Variants in SEC16B observed in about 807,000 individuals in gnomAD.
SEC16B encodes SEC16 homolog B, endoplasmic reticulum export factor.
Under a neutral mutation model 141.8 loss-of-function variants are expected in SEC16B, and 115 were observed. The observed-to-expected ratio is 0.81, with a 90% confidence interval of 0.70 to 0.95. SEC16B has a LOEUF of 0.95. SEC16B is among the 40% of genes least tolerant of loss of function. SEC16B has a pLI of 0.00. For missense variants in SEC16B, 1,291 were observed against 1,312.3 expected (o/e 0.98, Z 0.25); for synonymous variants, 493 against 492.5 (o/e 1.00, Z -0.01).
At chr1:177,949,546 A>G (rs1030029854) in intron 12 of SEC16B, among the ~76,000 whole-genome samples, 3 of 144,786 alleles carry the variant, frequency 2.1e-5, no homozygotes, top group African/African-American at 7.5e-5. Flanking sequence ...GAGAGAGAGA[A>G]AGCACCAACA....
In SEC16B at chr1:177,978,359, C is replaced by T. The variant is rs77567999; in HGVS notation, c.-59+5847G>A. 2.3e-3 allele frequency among the ~76,000 whole-genome samples: 351 copies of T among 152,254 alleles called. 2 individuals carry two copies. The highest frequency in any genetic ancestry group is 4.1e-3 in the Non-Finnish European group (282 of 68,018). On this transcript the variant is annotated intron_variant and NMD_transcript_variant, in intron 1 of 24. Transcript: ENST00000528461. ...GGAAAAGCACTCAGCACACTCCCTG[C>T]ACCTTGGTAAGTGTCCAACAAATGG... is the stretch of plus-strand genomic sequence containing the variant.
chr1:177,949,980 T>A (rs553517102), intron 12 of SEC16B, among the ~76,000 whole-genome samples: 2 of 152,058 alleles, frequency 1.3e-5, no homozygotes, highest in African/African-American at 4.8e-5. Flanking sequence ...GCTAATTGTA[T>A]CATTTCCTGC....
chr1:177,941,597 T>C (rs568161641), intron 16 of SEC16B, among the ~76,000 whole-genome samples: 1 of 152,356 alleles, frequency 6.6e-6, no homozygotes, highest in East Asian at 1.9e-4. Context: ...TTAGAATGGT[T>C]CACCGTAGCA....
At chr1:177,973,647 C>T (rs1248816143), upstream of SEC16B, among the ~76,000 whole-genome samples, 5 of 152,084 alleles carry the variant, frequency 3.3e-5, no homozygotes. Context: ...GTCGTTTGTA[C>T]ACTGAACAAG....
intron 6 of SEC16B, 129 bp from the exon 7 acceptor site, chr1:177,961,068 T>C: frequency 9.8e-7 from 1 of 1,025,636 alleles, no homozygotes; most frequent in Non-Finnish European, 1.4e-6. Flanking sequence ...CTGGGTGGGT[T>C]GTGTAATTAG....
At position 177,940,622 on chromosome 1, in the gene SEC16B, C is replaced by T; in HGVS notation, c.2115G>A (p.Arg705=). Residue 705 remains arginine (R), a synonymous_variant, in exon 17 of 26, where the codon CGG becomes CGA. Coordinates refer to ENST00000308284, the MANE Select transcript of SEC16B (RefSeq NM_033127.4). ...CAATCCCACTCACCTCCAGCTGCCT[C>T]CGAAGTTGCGCTAGCCAATCTGGCT... ...DLEPDWLAQL[R]RQLEQKVAGD... 6.2e-7 allele frequency: 1 copy of T among 1,613,598 alleles called. No individual in the cohort carries two copies. Among genetic ancestry groups the T allele is most frequent in the Non-Finnish European group, 8.5e-7 (1 of 1,179,666 alleles).
rs1650238831 is a variant in SEC16B, at chr1:177,929,202, T to C, written c.*656A>G. 1 of 153,716 alleles carries C rather than the reference T, an allele frequency of 6.5e-6. No homozygotes were observed. Among genetic ancestry groups the C allele is most frequent in the African/African-American group, 2.4e-5 (1 of 41,422 alleles). The allele number at this position is 153,716 out of a possible 1,614,324, so 9.5% of individuals were successfully genotyped here. ...TGACAATATGATGCCTACAGCAATC[T>C]AACTTGATAGCCACATGCCAGAATG... On this transcript the variant is annotated 3_prime_UTR_variant, in exon 26 of 26. Coordinates refer to ENST00000308284, the MANE Select transcript of SEC16B (RefSeq NM_033127.4).
At position 177,929,764 on chromosome 1, in the gene SEC16B, G is replaced by T; in HGVS notation, c.*94C>A. ...ATCGGGCTAGCACAAACCTCTTGAG[G>T]GTCCCAATATGGTAGAGAGGGGCTG... On this transcript the variant is annotated 3_prime_UTR_variant, in exon 26 of 26. Coordinates refer to ENST00000308284, the MANE Select transcript of SEC16B (RefSeq NM_033127.4). The T allele has an allele frequency of 7.2e-7, 1 of 1,394,916 alleles. No individual in the cohort carries two copies. Among genetic ancestry groups the T allele is most frequent in the Non-Finnish European group, 1.0e-6 (1 of 999,624 alleles). 86.4% of individuals were successfully genotyped at this position (1,394,916 alleles called of 1,614,324 possible).
Position 177,933,300 on chromosome 1 carries a change from C to T in SEC16B, c.2737G>A (p.Gly913Ser). The change falls in exon 22 of 26, where the codon GGC (glycine) becomes AGC (serine). Residue 913 changes from glycine to serine, a missense_variant. Around this residue, in one of 3 missense-constraint regions of SEC16B, gnomAD observed 605 missense variants for 614.1 expected, o/e 0.99. Coordinates refer to ENST00000308284, the MANE Select transcript of SEC16B (RefSeq NM_033127.4). ...GKEHTKSSGF[G>S]WFSWFRSKPT... ...TTCGATCGAAACCAGCTGAACCAGCCAAACCCTGAGCTCTGGAAGGGGAAG... is the reference window on the plus strand; with the variant it reads ...TTCGATCGAAACCAGCTGAACCAGCTAAACCCTGAGCTCTGGAAGGGGAAG... The T allele has an allele frequency of 6.2e-7, 1 of 1,601,266 alleles. No individual in the cohort carries two copies. The highest frequency in any genetic ancestry group is 8.5e-7 in the Non-Finnish European group (1 of 1,173,738).
intron 17 of SEC16B, among the ~76,000 whole-genome samples, 200 bp downstream of exon 17, chr1:177,940,408 CAG>C (rs1263667268): frequency 1.3e-5 from 2 of 152,194 alleles, no homozygotes; most frequent in Non-Finnish European, 2.9e-5. Context: ...CGCTTCCACA[CAG>C]GGGACAAGCA....
intron 11 of SEC16B, 32 bp downstream of exon 11, chr1:177,954,247 C>G: frequency 6.6e-7 from 1 of 1,511,998 alleles, no homozygotes; most frequent in Non-Finnish European, 9.0e-7. Flanking sequence ...CCTCTCTGCC[C>G]CACTGGCCTC....
intron 2 of SEC16B, 120 bp downstream of exon 2, chr1:177,967,563 A>T: frequency 9.8e-7 from 1 of 1,020,362 alleles, no homozygotes; most frequent in Non-Finnish European, 1.4e-6. Context: ...CCACGTAGTA[A>T]GGTAGAGAAG....
chr1:177,935,325 C>T (rs536724245), intron 20 of SEC16B, among the ~76,000 whole-genome samples: 4 of 152,118 alleles, frequency 2.6e-5, no homozygotes, highest in South Asian at 2.1e-4. Context: ...GTGAATATTT[C>T]AAATAAATGA....
chr1:177,937,404 G>A lies in SEC16B; in HGVS notation c.2313C>T (p.Ser771=), dbSNP rs778439192. Residue 771 remains serine (S), a synonymous_variant, in exon 19 of 26, where the codon AGC becomes AGT. Transcript: ENST00000308284. The stretch of plus-strand genomic sequence containing the variant: ...GCTGGAGGGGAAAGGGCTGCTGTGG[G>A]CTGGGCTGGAGCAGGCAGGTCTGCT... The part of the protein sequence containing the change: ...TPEQTCLLQP[S]PQQPFPLQPG... 15 of 1,611,038 alleles carry A rather than the reference G, an allele frequency of 9.3e-6. No homozygotes were observed. In the Admixed American group the frequency reaches 1.2e-4, roughly 13 times the overall value.
At position 177,929,662 on chromosome 1, in the gene SEC16B, A is replaced by G. The variant is rs1650265727; in HGVS notation, c.*196T>C. On this transcript the variant is annotated 3_prime_UTR_variant, in exon 26 of 26. Transcript: ENST00000308284. ...GATGAAATAATTTCCATCATTGTGA[A>G]GCTAATCTTAAGAGACTGAATTGTG... 8.4e-6 allele frequency: 5 copies of G among 597,284 alleles called. No homozygotes were observed. Among genetic ancestry groups the G allele is most frequent in the Non-Finnish European group, 9.0e-6 (3 of 332,720 alleles). The allele number at this position is 597,284 out of a possible 1,614,324, so 37.0% of individuals were successfully genotyped here.
intron 13 of SEC16B, among the ~76,000 whole-genome samples, chr1:177,947,617 A>G (rs1651809895): frequency 1.3e-5 from 2 of 151,746 alleles, no homozygotes; most frequent in Non-Finnish European, 2.9e-5. Flanking sequence ...GGGTCCAGGA[A>G]AAGCCTAGGG....
chr1:177,968,817 G>A (rs1653752365), intron 1 of SEC16B, among the ~76,000 whole-genome samples: 1 of 152,124 alleles, frequency 6.6e-6, no homozygotes, highest in Non-Finnish European at 1.5e-5. Flanking sequence ...AGGCAAATTT[G>A]GGATTGTTTT....
At position 177,958,168 on chromosome 1, in the gene SEC16B, C is replaced by A; in HGVS notation, c.1329G>T (p.Glu443Asp). The change falls in exon 10 of 26, where the codon GAG (glutamate) becomes GAT (aspartate). Residue 443 changes from glutamate (E) to aspartate (D), a missense_variant. Physicochemically the swap from Glu to Asp is conservative, Grantham distance 45 (BLOSUM62 2). Coordinates refer to ENST00000308284, the MANE Select transcript of SEC16B (RefSeq NM_033127.4). ...PSVETPAQIV[E>D]KFTRLLYYGR... ...CATAGTAGAGCAGCCTAGTGAATTT[C>A]TCCACGATCTGCGCAGGTGTCTCCA... 6.4e-7 allele frequency: 1 copy of A among 1,558,546 alleles called. No homozygotes were observed. The highest frequency in any genetic ancestry group is 8.7e-7 in the Non-Finnish European group (1 of 1,149,912).
chr1:177,944,418 C>T, intron 15 of SEC16B, 143 bp downstream of exon 15: 1 of 658,766 alleles, frequency 1.5e-6, no homozygotes, highest in East Asian at 2.6e-5. Flanking sequence ...AGAAATCCTA[C>T]ACCCTCCCAC....
Sources: allele counts gnomAD v4.1 joint callset (sites outside exome capture counted in the v4.1 genomes callset), GRCh38; gene constraint gnomAD v4.1.1; regional missense constraint gnomAD v4.1.1; transcripts MANE v1.5; gene names NCBI Gene and HGNC (gene_info 2026-07-23, HGNC 2026-07-21).